The following STK3 variants were observed in gnomAD, a reference collection of about 807,000 sequenced individuals.
STK3 encodes the protein serine/threonine-protein kinase 3.
Under a neutral mutation model 58.0 loss-of-function variants are expected in STK3, and 41 were observed. The ratio of observed to expected loss-of-function variants is 0.71; its 90% CI spans 0.55 to 0.92. The LOEUF is 0.92. STK3 is among the 40% of genes least tolerant of loss of function. The probability of loss-of-function intolerance (pLI) is 0.00; values close to 1 mark genes in which losing one functional copy is unlikely to be tolerated. For synonymous variants in STK3, 170 were observed against 191.0 expected (o/e 0.89, Z 0.91); for missense variants, 479 against 602.7 (o/e 0.79, Z 2.15).
chr8:98,507,999 A>G (rs1824223223), intron 10 of STK3, among the ~76,000 whole-genome samples: 1 of 152,180 alleles, frequency 6.6e-6, no homozygotes, highest in Non-Finnish European at 1.5e-5. Context: ...TCTTTTAGCA[A>G]ACTGTATACT....
At chr8:98,731,218 C>A (rs1033756111) in intron 4 of STK3, among the ~76,000 whole-genome samples, 3 of 152,040 alleles carry the variant, frequency 2.0e-5, no homozygotes, top group African/African-American at 7.2e-5. Context: ...ACCAAGTAAA[C>A]CCCAGAAGGA....
chr8:98,752,133 T>C lies in STK3; in HGVS notation c.237-2743A>G, dbSNP rs60524535. Among the ~76,000 whole-genome samples, 838 of 152,142 alleles carry C rather than the reference T, an allele frequency of 5.5e-3. 10 individuals carry two copies. The highest frequency in any genetic ancestry group is 0.019 in the African/African-American group (807 of 41,522). ...ATATGGAACCAAAAAAGAGCCCGAA[T>C]AGCCAAGGCAATCCTAAGCAAAAAG... On this transcript the variant is annotated intron_variant, in intron 3 of 10. Coordinates refer to ENST00000419617, the MANE Select transcript of STK3 (RefSeq NM_006281.4).
intron 2 of STK3, among the ~76,000 whole-genome samples, chr8:98,372,276 TCA>T (rs1466390979): frequency 6.6e-6 from 1 of 152,202 alleles, no homozygotes; most frequent in African/African-American, 2.4e-5. Context: ...TTTAAGCCAC[TCA>T]GTTTGCAGTA....
At chr8:98,650,854 C>A (rs1033441258) in intron 6 of STK3, among the ~76,000 whole-genome samples, 3 of 152,220 alleles carry the variant, frequency 2.0e-5, no homozygotes, top group Non-Finnish European at 4.4e-5. Flanking sequence ...AACTGGGTAG[C>A]ACCCACCACA....
downstream of STK3, among the ~76,000 whole-genome samples, chr8:98,453,409 TTCTTCAAAACA>T (rs1357192137): frequency 6.6e-6 from 1 of 152,172 alleles, no homozygotes; most frequent in African/African-American, 2.4e-5. Flanking sequence ...TGGCTTGTGA[TTCTTCAAAACA>T]TATCTTAAAT....
At chr8:98,486,991 C>G (rs1355988483) in intron 10 of STK3, among the ~76,000 whole-genome samples, 1 of 151,972 alleles carries the variant, frequency 6.6e-6, no homozygotes, top group Non-Finnish European at 1.5e-5. Flanking sequence ...ACCTCTTTCT[C>G]GAGAAAGTGA....
chr8:98,887,430 C>T (rs551364941), intron 1 of STK3, among the ~76,000 whole-genome samples: 13 of 152,238 alleles, frequency 8.5e-5, no homozygotes, highest in African/African-American at 2.4e-4. Flanking sequence ...TGGTCCTAAG[C>T]ATTTTGGATA....
At chr8:98,614,010 A>T (rs1042548938) in intron 6 of STK3, among the ~76,000 whole-genome samples, 2 of 152,236 alleles carry the variant, frequency 1.3e-5, no homozygotes, top group African/African-American at 4.8e-5. Flanking sequence ...GCACTAATGT[A>T]TATGTACCAA....
intron 6 of STK3, among the ~76,000 whole-genome samples, chr8:98,613,100 C>T (rs139119820): frequency 1.2e-4 from 18 of 152,280 alleles, no homozygotes; most frequent in African/African-American, 4.1e-4. Context: ...CTAGAATCAC[C>T]ACTCTGACTC....
At chr8:98,515,223 T>C (rs1005551554) in intron 10 of STK3, among the ~76,000 whole-genome samples, 1 of 152,100 alleles carries the variant, frequency 6.6e-6, no homozygotes, top group Non-Finnish European at 1.5e-5. Context: ...AGTTTTCCCC[T>C]CATAAAAATT....
At chr8:98,524,340 T>C (rs558640153) in intron 10 of STK3, among the ~76,000 whole-genome samples, 204 of 152,344 alleles carry the variant, frequency 1.3e-3, no homozygotes, top group Non-Finnish European at 2.3e-3. Flanking sequence ...TTAGGGTCCC[T>C]TGAGAATCCA....
chr8:98,768,444 G>A (rs970062665), intron 2 of STK3, among the ~76,000 whole-genome samples: 7 of 152,074 alleles, frequency 4.6e-5, no homozygotes, highest in African/African-American at 7.2e-5. Context: ...GTGATAACGC[G>A]GCTACTTCAA....
At chr8:98,445,044 G>C (rs1818877200) in intron 1 of STK3, among the ~76,000 whole-genome samples, 1 of 152,070 alleles carries the variant, frequency 6.6e-6, no homozygotes, top group East Asian at 1.9e-4. Context: ...GTTTTCTGTA[G>C]TTCAAAAACT....
At chr8:98,870,770 A>T (rs538217752) in intron 3 of STK3, among the ~76,000 whole-genome samples, 4 of 152,084 alleles carry the variant, frequency 2.6e-5, no homozygotes, top group East Asian at 1.9e-4. Context: ...AGATTTAAAA[A>T]TTTTTCTCCC....
chr8:98,621,635 T>C (rs1818333360), intron 6 of STK3, among the ~76,000 whole-genome samples: 1 of 152,204 alleles, frequency 6.6e-6, no homozygotes, highest in Non-Finnish European at 1.5e-5. Context: ...ATCAAATTTT[T>C]TTTTCTACAT....
At chr8:98,380,136 G>T (rs997458305) in intron 1 of STK3, among the ~76,000 whole-genome samples, 2 of 152,130 alleles carry the variant, frequency 1.3e-5, no homozygotes, top group African/African-American at 4.8e-5. Flanking sequence ...ACCTGAAGCT[G>T]GGTAGGGTTA....
chr8:98,568,729 T>C (rs1812713682), intron 8 of STK3, among the ~76,000 whole-genome samples: 1 of 151,468 alleles, frequency 6.6e-6, no homozygotes, highest in Non-Finnish European at 1.5e-5. Context: ...TATGAAAAAA[T>C]AGCAAGTTTG....
At chr8:98,735,031 T>C (rs1490639213) in intron 4 of STK3, among the ~76,000 whole-genome samples, 1 of 152,226 alleles carries the variant, frequency 6.6e-6, no homozygotes, top group Non-Finnish European at 1.5e-5. Context: ...AGGTTACTAG[T>C]AAGCATACTT....
intron 1 of STK3, among the ~76,000 whole-genome samples, chr8:98,790,794 C>T (rs1289731705): frequency 6.6e-6 from 1 of 151,970 alleles, no homozygotes; most frequent in African/African-American, 2.4e-5. Context: ...ATCAGCCTGG[C>T]CAACATAGTG....
Sources: gnomAD v4.1 joint callset for allele counts (sites outside exome capture counted in the v4.1 genomes callset) on GRCh38, gnomAD v4.1.1 for gene constraint, MANE v1.5 for transcripts, NCBI Gene and HGNC (gene_info 2026-07-23, HGNC 2026-07-21) for gene names.